The following CCNY variants were observed in gnomAD, a reference collection of about 807,000 sequenced individuals.
CCNY encodes the protein cyclin Y, also known as cyclin-Y.
CCNY carries 19 observed loss-of-function variants against 42.8 expected under a neutral mutation model. That is an observed-to-expected ratio of 0.44 (90% CI 0.31 to 0.65). The LOEUF is 0.65. Ranked by LOEUF, CCNY falls within the 30% of genes least tolerant of loss-of-function variation. The pLI, the probability that CCNY is intolerant of heterozygous loss-of-function variation, is 0.07. For synonymous variants in CCNY, 165 were observed against 162.7 expected, an observed-to-expected ratio of 1.01 and a Z score of -0.11; for missense variants, 370 against 437.3, an observed-to-expected ratio of 0.85 and a Z score of 1.37.
At chr10:35,273,236 C>G (rs1250749224) in intron 3 of CCNY, among the ~76,000 whole-genome samples, 1 of 151,708 alleles carries the variant, frequency 6.6e-6, no homozygotes, top group Non-Finnish European at 1.5e-5. Context: ...GAGTTTCGCT[C>G]TGTCACCTAG....
intron 1 of CCNY, among the ~76,000 whole-genome samples, chr10:35,418,207 G>A (rs1589107734): frequency 1.3e-5 from 2 of 152,300 alleles, no homozygotes; most frequent in South Asian, 4.1e-4. Context: ...GAGCAGGGAA[G>A]TAGGAAACTT....
At chr10:35,474,448 C>G (rs1839460115) in intron 1 of CCNY, among the ~76,000 whole-genome samples, 1 of 152,230 alleles carries the variant, frequency 6.6e-6, no homozygotes, top group South Asian at 2.1e-4. Flanking sequence ...AGCTGGAGAT[C>G]TGGGAACGGG....
chr10:35,287,502 C>T (rs904400236), intron 3 of CCNY, among the ~76,000 whole-genome samples: 2 of 152,194 alleles, frequency 1.3e-5, no homozygotes, highest in African/African-American at 2.4e-5. Context: ...TTCCACCATT[C>T]CTGAATCCAA....
At chr10:35,252,531 A>G (rs2095712663) in intron 3 of CCNY, among the ~76,000 whole-genome samples, 1 of 140,922 alleles carries the variant, frequency 7.1e-6, no homozygotes, top group Non-Finnish European at 1.5e-5. Flanking sequence ...GCGCCACTGC[A>G]CTCCAGCCTG....
intron 3 of CCNY, chr10:35,250,643 G>A (rs574794654): frequency 1.3e-5 from 2 of 152,502 alleles, no homozygotes; most frequent in South Asian, 4.1e-4. Context: ...CCAGACTGCT[G>A]TCAAGGTCAA....
At chr10:35,304,104 A>T (rs1156255876) in intron 3 of CCNY, among the ~76,000 whole-genome samples, 1 of 152,030 alleles carries the variant, frequency 6.6e-6, no homozygotes, top group Non-Finnish European at 1.5e-5. Flanking sequence ...GAAAGCACCA[A>T]CCCCTCTTCG....
chr10:35,406,559 T>A (rs1258250158), intron 1 of CCNY, among the ~76,000 whole-genome samples: 1 of 152,110 alleles, frequency 6.6e-6, no homozygotes, highest in African/African-American at 2.4e-5. Context: ...AGGTCACAGA[T>A]CAACAGGATC....
intron 1 of CCNY, among the ~76,000 whole-genome samples, chr10:35,370,840 C>G (rs765519375): frequency 6.6e-6 from 1 of 151,548 alleles, no homozygotes; most frequent in Non-Finnish European, 1.5e-5. Flanking sequence ...CTCAGCCTCC[C>G]GAGTAGCTGA....
chr10:35,319,894 A>G (rs1835802096), intron 3 of CCNY, among the ~76,000 whole-genome samples: 1 of 152,058 alleles, frequency 6.6e-6, no homozygotes, highest in South Asian at 2.1e-4. Context: ...AGGCTGCAGT[A>G]AGCTGAGATC....
chr10:35,482,798 GTGTT>G (rs985673438), intron 1 of CCNY, among the ~76,000 whole-genome samples: 10 of 133,294 alleles, frequency 7.5e-5, no homozygotes, highest in South Asian at 2.3e-4. Flanking sequence ...GTGTGTGTGT[GTGTT>G]ATGTGTTTGA....
At chr10:35,416,287 G>A (rs567247102) in intron 1 of CCNY, among the ~76,000 whole-genome samples, 1 of 152,016 alleles carries the variant, frequency 6.6e-6, no homozygotes, top group African/African-American at 2.4e-5. Flanking sequence ...TGTTTAGCCA[G>A]GTATGCAGCA....
At chr10:35,485,744 A>C (rs565354779) in intron 2 of CCNY, among the ~76,000 whole-genome samples, 28 of 151,518 alleles carry the variant, frequency 1.8e-4, no homozygotes, top group African/African-American at 3.4e-4. Flanking sequence ...AAAAAACAAA[A>C]AAAAAAAACA....
At chr10:35,312,814 T>C (rs1410380782) in intron 3 of CCNY, among the ~76,000 whole-genome samples, 1 of 149,128 alleles carries the variant, frequency 6.7e-6, no homozygotes, top group Non-Finnish European at 1.5e-5. Flanking sequence ...TTCAGTGGTG[T>C]GATCATGGCT....
At chr10:35,408,584 G>A (rs1837835606) in intron 1 of CCNY, among the ~76,000 whole-genome samples, 1 of 152,166 alleles carries the variant, frequency 6.6e-6, no homozygotes, top group African/African-American at 2.4e-5. Flanking sequence ...AGATTACAAA[G>A]TATATTGATC....
chr10:35,481,368 C>T (rs896418875), intron 1 of CCNY, among the ~76,000 whole-genome samples: 4 of 152,322 alleles, frequency 2.6e-5, no homozygotes, highest in African/African-American at 9.6e-5. Flanking sequence ...TCTTCCAGGA[C>T]ATTCTTGGAC....
chr10:35,434,686 A>G (rs954106864), intron 1 of CCNY, among the ~76,000 whole-genome samples: 1 of 152,190 alleles, frequency 6.6e-6, no homozygotes, highest in African/African-American at 2.4e-5. Context: ...GATGCTTTGA[A>G]TGAAACCAAT....
At chr10:35,251,089 A>G (rs150935091) in intron 3 of CCNY, 1 of 152,292 alleles carries the variant, frequency 6.6e-6, no homozygotes, top group African/African-American at 2.4e-5. Context: ...TGTCCACCTT[A>G]GAGTTGTGAC....
At chr10:35,497,726 CAAAAAAAAAAA>C (rs34502756) in intron 2 of CCNY, among the ~76,000 whole-genome samples, 1 of 73,588 alleles carries the variant, frequency 1.4e-5, no homozygotes, top group East Asian at 3.9e-4. Flanking sequence ...GACTCCGTCT[CAAAAAAAAAAA>C]AAAAAAAAAA....
At chr10:35,390,055 C>T (rs77028005) in intron 1 of CCNY, among the ~76,000 whole-genome samples, 1,843 of 152,248 alleles carry the variant, frequency 0.012, 25 homozygotes, top group African/African-American at 0.026. Context: ...TTCATTGGCT[C>T]GCTTTTAAGG....
Sources: gnomAD v4.1 joint callset for allele counts (sites outside exome capture counted in the v4.1 genomes callset) on GRCh38, gnomAD v4.1.1 for gene constraint, MANE v1.5 for transcripts, NCBI Gene and HGNC (gene_info 2026-07-23, HGNC 2026-07-21) for gene names.